HECTD4: variants seen among roughly 807,000 people sequenced by gnomAD.
HECTD4 encodes the protein HECT domain E3 ubiquitin protein ligase 4.
HECTD4 carries 114 observed loss-of-function variants against 471.5 expected under a neutral mutation model. That is an observed-to-expected ratio of 0.24 (90% CI 0.21 to 0.28). The LOEUF is 0.28. Ranked by LOEUF, HECTD4 falls within the 10% of genes least tolerant of loss-of-function variation. The pLI is 1.00. For synonymous variants in HECTD4, 2,012 were observed against 2,256.0 expected (o/e 0.89, Z 3.07); for missense variants, 3,866 against 5,651.5 (o/e 0.68, Z 10.13).
intron 1 of HECTD4, among the ~76,000 whole-genome samples, chr12:112,375,856 G>A (rs887706337): frequency 6.6e-6 from 1 of 151,246 alleles, no homozygotes; most frequent in Non-Finnish European, 1.5e-5. Context: ...ATCACTTGAG[G>A]TCAGCAGTTC....
chr12:112,336,785 C>T (rs1356353140), intron 1 of HECTD4, among the ~76,000 whole-genome samples: 1 of 152,040 alleles, frequency 6.6e-6, no homozygotes, highest in Non-Finnish European at 1.5e-5. Flanking sequence ...TAGCCACGAG[C>T]TGATAATTGT....
rs1566055535 is a variant in HECTD4 at position 112,162,500 on chromosome 12, G to A, written c.13144C>T (p.Arg4382Cys). The change falls in exon 76 of 76, where the codon CGC (arginine) becomes TGC (cysteine). Residue 4382 changes from arginine (R) to cysteine (C), a missense_variant. Physicochemically the swap from Arg to Cys is radical, Grantham distance 180. Coordinates refer to ENST00000682272, the MANE Select transcript of HECTD4 (RefSeq NM_001388303.1). The surrounding 1 kb of genome is among the most constrained non-coding windows in gnomAD (Gnocchi z 5.2). The part of the protein sequence containing the change: ...TAGSPDSRYI[R>C]VETCMFMIKL... ...ATCATGAACATGCAGGTCTCCACGC[G>A]GATGTAGCGAGAGTCTGGGGAACCT... 2.5e-6 allele frequency: 4 copies of A among 1,614,026 alleles called. No homozygotes were observed. Among genetic ancestry groups the A allele is most frequent in the Non-Finnish European group, 2.5e-6 (3 of 1,179,888 alleles).
chr12:112,230,972 A>G (rs2033364799), intron 39 of HECTD4, 150 bp from the exon 40 acceptor site: 1 of 673,198 alleles, frequency 1.5e-6, no homozygotes, highest in East Asian at 2.8e-5. Flanking sequence ...AAGCTACATT[A>G]TCATTAGGAA....
rs1443352101 is a variant in HECTD4, at chr12:112,194,292, G to T, written c.8749+593C>A. Among the ~76,000 whole-genome samples, 1 of 152,236 alleles carries T rather than the reference G, an allele frequency of 6.6e-6. No individual in the cohort carries two copies. The highest frequency in any genetic ancestry group is 1.5e-5 in the Non-Finnish European group (1 of 68,030). On this transcript the variant is annotated intron_variant, in intron 56 of 75. Transcript: ENST00000682272. This position sits in a 1 kb window ranked among gnomAD's most constrained non-coding sequence, Gnocchi z 4.6. ...TATCTGCAAGTGAGCTTTGAGGGGT[G>T]TCCCCTGCCTGCCTCACTTCTTGTT...
Position 112,237,951 on chromosome 12 carries a change from T to A in HECTD4, c.5291-853A>T, listed in dbSNP as rs1358051248. Among the ~76,000 whole-genome samples the A allele has an allele frequency of 3.9e-5, 6 of 151,960 alleles. 1 individual carries two copies. Among genetic ancestry groups the A allele is most frequent in the Non-Finnish European group, 7.4e-5 (5 of 67,972 alleles). ...GTATTTTTAGTAGAGATGGGGTTTC[T>A]CCATGTTGGTCAGGCTGGTCTCGAA... On this transcript the variant is annotated intron_variant, in intron 34 of 75. Transcript: ENST00000682272.
chr12:112,170,555 C>A lies in HECTD4; in HGVS notation c.11933-103G>T, dbSNP rs982758275. The A allele has an allele frequency of 2.1e-5, 31 of 1,467,082 alleles. No individual in the cohort carries two copies. In the South Asian group the frequency reaches 3.8e-4, roughly 18 times the overall value. The allele number at this position is 1,467,082 out of a possible 1,614,324, so 90.9% of individuals were successfully genotyped here. A position where few individuals can be genotyped will look rare whatever the true frequency, so the allele number is the denominator to read the frequency against. ...TCCCTGGGTGTGGCACTCTCAGGCC[C>A]CCTGGTGGCAGTAGAGCCGGGCCCT... On this transcript the variant is annotated intron_variant, in intron 68 of 75. Transcript: ENST00000682272.
intron 50 of HECTD4, 51 bp downstream of exon 50, chr12:112,209,964 T>A: frequency 7.0e-7 from 1 of 1,433,696 alleles, no homozygotes; most frequent in Non-Finnish European, 9.7e-7. Context: ...ATTCATAACA[T>A]TCATGGTCTC....
chr12:112,214,430 G>A (rs939451306), intron 48 of HECTD4, among the ~76,000 whole-genome samples: 2 of 152,146 alleles, frequency 1.3e-5, no homozygotes, highest in Admixed American at 6.5e-5. Context: ...TGTTCGCCAC[G>A]GCATCCCCAG....
In HECTD4 at chr12:112,193,811, C is replaced by T; in HGVS notation, c.8750-137G>A. On this transcript the variant is annotated intron_variant, in intron 56 of 75. Transcript: ENST00000682272. This position sits in a 1 kb window ranked among gnomAD's most constrained non-coding sequence, Gnocchi z 5.2. ...ATCCTGGATATGATGTCCTGGATAACAGATGCCGGCAATCAGATCCTCTGC... is the reference window on the plus strand; with the variant it reads ...ATCCTGGATATGATGTCCTGGATAATAGATGCCGGCAATCAGATCCTCTGC... The T allele has an allele frequency of 5.5e-6, 4 of 723,304 alleles. 1 individual carries two copies. In the South Asian group the frequency reaches 6.9e-5, roughly 12 times the overall value. The allele number at this position is 723,304 out of a possible 1,614,324, so 44.8% of individuals were successfully genotyped here.
chr12:112,179,182 G>A lies in HECTD4; in HGVS notation c.11203C>T (p.Leu3735Phe). 1 of 1,613,702 alleles carries A rather than the reference G, an allele frequency of 6.2e-7. No homozygotes were observed. Among genetic ancestry groups the A allele is most frequent in the Non-Finnish European group, 8.5e-7 (1 of 1,179,772 alleles). Reference protein sequence around the residue: ...RPPKKVLEDQLTQILRKYGVP... With the variant: ...RPPKKVLEDQFTQILRKYGVP... ...TGGGGACGGGCAGCTACCTGGGTGA[G>A]CTGATCCTCCAGCACCTTTTTTGGC... is the stretch of plus-strand genomic sequence containing the variant. Residue 3735 changes from leucine (L) to phenylalanine (F), a missense_variant, in exon 63 of 76, where the codon CTC becomes TTC. Physicochemically the swap from Leu to Phe is conservative, Grantham distance 22. Around this residue, in one of 16 missense-constraint regions of HECTD4, gnomAD observed 715 missense variants for 1,087.6 expected, o/e 0.66. Transcript: ENST00000682272. The surrounding 1 kb of genome is among the most constrained non-coding windows in gnomAD (Gnocchi z 4.3).
Position 112,306,244 on chromosome 12 carries a change from A to C in HECTD4, c.1165-10T>G, listed in dbSNP as rs773635929. 1.5e-5 allele frequency: 22 copies of C among 1,514,634 alleles called. No individual in the cohort carries two copies. In the South Asian group the frequency reaches 2.9e-4, roughly 20 times the overall value. 93.8% of individuals were successfully genotyped at this position (1,514,634 alleles called of 1,614,324 possible). ...GCACCACCTGGCACACCTGGGCATG[A>C]AAGGGAGGAAATCTCCATTAGAGCC... On this transcript the variant is annotated splice_polypyrimidine_tract_variant and intron_variant, in intron 6 of 75. Transcript: ENST00000682272.
intron 17 of HECTD4, among the ~76,000 whole-genome samples, chr12:112,262,427 A>C (rs914587304): frequency 5.5e-5 from 8 of 144,730 alleles, no homozygotes; most frequent in African/African-American, 1.3e-4. Flanking sequence ...GAGGCAGGAG[A>C]ATCGTTTGAA....
At chr12:112,330,277 A>C (rs1375076446) in intron 1 of HECTD4, among the ~76,000 whole-genome samples, 1 of 128,000 alleles carries the variant, frequency 7.8e-6, no homozygotes, top group African/African-American at 2.9e-5. Context: ...ACTTTGTCTC[A>C]AAAAAAAAAA....
chr12:112,206,404 A>G (rs2032583283), intron 52 of HECTD4, among the ~76,000 whole-genome samples: 1 of 152,102 alleles, frequency 6.6e-6, no homozygotes, highest in African/African-American at 2.4e-5. Context: ...CTGAAGCAGG[A>G]GGATCTCTTG....
chr12:112,181,243 A>G (rs1047861607), intron 62 of HECTD4, among the ~76,000 whole-genome samples: 3 of 152,150 alleles, frequency 2.0e-5, no homozygotes, highest in African/African-American at 7.2e-5. Context: ...CCCATATCAG[A>G]GCCTGAGGAA....
At position 112,193,760 on chromosome 12, in the gene HECTD4, A is replaced by G. The variant is rs2032155658; in HGVS notation, c.8750-86T>C. On this transcript the variant is annotated intron_variant, in intron 56 of 75. Coordinates refer to ENST00000682272, the MANE Select transcript of HECTD4 (RefSeq NM_001388303.1). This position sits in a 1 kb window ranked among gnomAD's most constrained non-coding sequence, Gnocchi z 5.2. ...CTAAGTAACAGAAAATGAATAACCCATCCAGAAACCCCAGATGGGAGGGTT... is the reference window on the plus strand; with the variant it reads ...CTAAGTAACAGAAAATGAATAACCCGTCCAGAAACCCCAGATGGGAGGGTT... 1.7e-6 allele frequency: 2 copies of G among 1,207,464 alleles called. No individual in the cohort carries two copies. Among genetic ancestry groups the G allele is most frequent in the Non-Finnish European group, 2.4e-6 (2 of 839,206 alleles). The allele number at this position is 1,207,464 out of a possible 1,614,324, so 74.8% of individuals were successfully genotyped here. A position where few individuals can be genotyped will look rare whatever the true frequency, so the allele number is the denominator to read the frequency against.
intron 7 of HECTD4, among the ~76,000 whole-genome samples, chr12:112,300,307 C>CA (rs572345517): frequency 0.11 from 7,652 of 69,558 alleles, 962 homozygotes; most frequent in East Asian, 0.63. Context: ...GATTCCATCT[C>CA]AAAAAAAAAA....
chr12:112,261,598 A>G, intron 17 of HECTD4, 169 bp from the exon 18 acceptor site: 1 of 624,504 alleles, frequency 1.6e-6, no homozygotes, highest in Non-Finnish European at 2.6e-6. Context: ...TGGCCAGAAT[A>G]AGCCCAAAGC....
chr12:112,247,407 G>A (rs2033786053), intron 28 of HECTD4, 55 bp downstream of exon 28: 1 of 805,672 alleles, frequency 1.2e-6, no homozygotes, highest in Non-Finnish European at 2.0e-6. Flanking sequence ...GACCTTTACA[G>A]TGTGTTTTGA....
Sources: gnomAD v4.1 joint callset for allele counts (sites outside exome capture counted in the v4.1 genomes callset) on GRCh38, gnomAD v4.1.1 for gene constraint, gnomAD v4.1.1 regional missense constraint, Gnocchi (gnomAD v3.1) non-coding constraint, MANE v1.5 for transcripts, NCBI Gene and HGNC (gene_info 2026-07-23, HGNC 2026-07-21) for gene names.